Variants in CCDC158 observed in about 807,000 individuals in gnomAD.
CCDC158 encodes coiled-coil domain containing 158, also known as coiled-coil domain-containing protein 158.
In CCDC158, 116 loss-of-function variants were observed where a neutral mutation model predicts 138.6. That is an observed-to-expected ratio of 0.84 (90% CI 0.72 to 0.98). CCDC158 has a LOEUF of 0.98. Among genes scored for constraint, CCDC158 ranks in the 50% least tolerant of loss-of-function variants. The pLI is 0.00. For missense variants in CCDC158, 1,265 were observed against 1,306.1 expected, an observed-to-expected ratio of 0.97 and a Z score of 0.48; for synonymous variants, 436 against 442.4, an observed-to-expected ratio of 0.99 and a Z score of 0.18.
At chr4:76,404,644 C>T (rs1429044852) in intron 2 of CCDC158, among the ~76,000 whole-genome samples, 1 of 151,922 alleles carries the variant, frequency 6.6e-6, no homozygotes, top group Admixed American at 6.6e-5. Flanking sequence ...AGTACACAAG[C>T]GATGACAGGT....
At chr4:76,369,654 CCTG>C in intron 10 of CCDC158, 31 bp from the exon 11 acceptor site, 1 of 1,560,548 alleles carries the variant, frequency 6.4e-7, no homozygotes. Flanking sequence ...TTTTTTCCTC[CCTG>C]CTATTAAATA....
intron 9 of CCDC158, 60 bp downstream of exon 9, chr4:76,379,230 T>C (rs1725992468): frequency 3.3e-6 from 3 of 897,726 alleles, no homozygotes; most frequent in African/African-American, 1.7e-5. Flanking sequence ...CTATTACTAA[T>C]ATAATATTGA....
chr4:76,358,526 C>T (rs868418060), intron 13 of CCDC158, among the ~76,000 whole-genome samples: 1 of 152,146 alleles, frequency 6.6e-6, no homozygotes, highest in Admixed American at 6.5e-5. Context: ...ATTTCTTAGC[C>T]CTCATTCGTT....
At chr4:76,345,703 T>C (rs1722480494) in intron 18 of CCDC158, 1 of 606,362 alleles carries the variant, frequency 1.6e-6, no homozygotes, top group Admixed American at 2.8e-5. Context: ...TAAAATTATG[T>C]GAATAAATAT....
At chr4:76,334,277 G>A (rs1223619012) in intron 18 of CCDC158, 110 bp from the exon 19 acceptor site, 7 of 1,058,860 alleles carry the variant, frequency 6.6e-6, no homozygotes, top group African/African-American at 4.8e-5. Context: ...GCAAGAAGAG[G>A]AAAACAAAAA....
At chr4:76,370,420 AG>A (rs1289556432) in intron 10 of CCDC158, among the ~76,000 whole-genome samples, 2 of 152,200 alleles carry the variant, frequency 1.3e-5, no homozygotes, top group African/African-American at 2.4e-5. Flanking sequence ...AAAGGTTAGC[AG>A]GGTGATGGAT....
chr4:76,361,740 C>A (rs1303543582), intron 13 of CCDC158, among the ~76,000 whole-genome samples: 1 of 152,056 alleles, frequency 6.6e-6, no homozygotes, highest in African/African-American at 2.4e-5. Flanking sequence ...CATTAGTAAA[C>A]TTCTAATCAA....
At chr4:76,371,672 T>A (rs986610925) in intron 9 of CCDC158, 136 bp from the exon 10 acceptor site, 1 of 1,007,758 alleles carries the variant, frequency 9.9e-7, no homozygotes, top group Non-Finnish European at 1.4e-6. Context: ...GTGCAGTGGC[T>A]CATGCCTGTA....
At chr4:76,348,475 T>C (rs1260666009) in intron 18 of CCDC158, among the ~76,000 whole-genome samples, 1 of 150,274 alleles carries the variant, frequency 6.7e-6, no homozygotes, top group Non-Finnish European at 1.5e-5. Flanking sequence ...TAATACCATT[T>C]GTAAGGGCAG....
intron 4 of CCDC158, among the ~76,000 whole-genome samples, chr4:76,387,160 T>C (rs1156711343): frequency 1.3e-5 from 2 of 152,072 alleles, no homozygotes; most frequent in African/African-American, 4.8e-5. Flanking sequence ...ACAACAAAAG[T>C]GCCTCCTTCC....
At chr4:76,407,038 A>G (rs190569537) in intron 2 of CCDC158, among the ~76,000 whole-genome samples, 1 of 152,284 alleles carries the variant, frequency 6.6e-6, no homozygotes, top group Non-Finnish European at 1.5e-5. Flanking sequence ...TTCATTCTCT[A>G]AAAAACAAAA....
At chr4:76,388,372 G>A (rs931894410) in intron 4 of CCDC158, among the ~76,000 whole-genome samples, 2 of 152,064 alleles carry the variant, frequency 1.3e-5, no homozygotes, top group African/African-American at 4.8e-5. Flanking sequence ...CCTAAAGGGT[G>A]AGTTCCAGGC....
At chr4:76,382,854 T>C (rs1172528851) in intron 7 of CCDC158, 134 bp from the exon 8 acceptor site, 1 of 592,296 alleles carries the variant, frequency 1.7e-6, no homozygotes, top group African/African-American at 1.9e-5. Flanking sequence ...ACTCTTTTAA[T>C]AACAAGTGTC....
At chr4:76,344,978 G>T in intron 18 of CCDC158, 1 of 1,469,462 alleles carries the variant, frequency 6.8e-7, no homozygotes, top group Non-Finnish European at 9.5e-7. Flanking sequence ...TTTTACTGGA[G>T]TTAGGGAGGT....
Position 76,328,734 on chromosome 4 carries a change from CAG to C in CCDC158, c.3010+164_3010+165del, listed in dbSNP as rs556177212. Among the ~76,000 whole-genome samples the C allele has an allele frequency of 2.9e-3, 444 of 152,290 alleles. 3 individuals carry two copies. The highest frequency in any genetic ancestry group is 0.01 in the African/African-American group (424 of 41,556). The stretch of plus-strand genomic sequence containing the variant: ...GAAGCTGCCTGACGTGTTCAAGGAA[CAG>C]TTTGAGAGTGGATAAAACAGAATGC... On this transcript the variant is annotated intron_variant, in intron 22 of 24. Coordinates refer to ENST00000682701, the MANE Select transcript of CCDC158 (RefSeq NM_001394954.1).
rs1247347768 is a variant in CCDC158, at chr4:76,379,392, T to A, written c.927A>T (p.Arg309Ser). The A allele has an allele frequency of 6.3e-7, 1 of 1,596,642 alleles. No homozygotes were observed. The highest frequency in any genetic ancestry group is 1.8e-5 in the Admixed American group (1 of 56,204). The change falls in exon 9 of 25, where the codon AGA becomes AGT. Residue 309 changes from arginine to serine, a missense_variant. Arg to Ser is a moderately radical substitution (Grantham distance 110, BLOSUM62 -1). Coordinates refer to ENST00000682701, the MANE Select transcript of CCDC158 (RefSeq NM_001394954.1). Reference sequence around the variant, plus strand: ...GACGCATATACATAGAGTTTTGGTTTCTTGCTTGCTCTCTAAGAAGAGTTT... The same window carrying A: ...GACGCATATACATAGAGTTTTGGTTACTTGCTTGCTCTCTAAGAAGAGTTT... ...SQMEIIQEQA[R>S]NQNSMYMRQL... is the part of the protein sequence containing the mutation.
intron 22 of CCDC158, among the ~76,000 whole-genome samples, chr4:76,326,484 T>C (rs78071947): frequency 0.011 from 1,664 of 152,148 alleles, 29 homozygotes; most frequent in African/African-American, 0.038. Flanking sequence ...GTCCAGATAA[T>C]GGGCTTATCA....
chr4:76,323,256 A>T, intron 24 of CCDC158, 46 bp downstream of exon 24: 1 of 1,374,232 alleles, frequency 7.3e-7, no homozygotes, highest in Non-Finnish European at 1.0e-6. Flanking sequence ...AAGAAGGTGA[A>T]CATTCTCATG....
At chr4:76,325,832 G>T in intron 23 of CCDC158, 25 bp downstream of exon 23, 4 of 1,591,150 alleles carry the variant, frequency 2.5e-6, no homozygotes, top group Non-Finnish European at 3.4e-6. Context: ...AATTAATCAC[G>T]TCAATGATAT....
Sources: allele counts gnomAD v4.1 joint callset (sites outside exome capture counted in the v4.1 genomes callset), GRCh38; gene constraint gnomAD v4.1.1; transcripts MANE v1.5; gene names NCBI Gene and HGNC (gene_info 2026-07-23, HGNC 2026-07-21).